HYDIN: variants seen among roughly 807,000 people sequenced by gnomAD.
The protein encoded by HYDIN is axonemal central pair apparatus protein HYDIN.
A neutral mutation model predicts 403.9 loss-of-function variants in HYDIN; 132 were observed. The observed-to-expected ratio is 0.33, with a 90% CI of 0.28 to 0.38. The LOEUF is 0.38. HYDIN is among the 10% of genes least tolerant of loss of function. The pLI is 1.00. For missense variants in HYDIN, 2,827 were observed against 5,009.5 expected (o/e 0.56, Z 13.15); for synonymous variants, 1,202 against 1,891.7 (o/e 0.64, Z 9.46).
Position 71,184,812 on chromosome 16 carries a change from T to C in HYDIN, c.261+53A>G, listed in dbSNP as rs970941562. On this transcript the variant is annotated intron_variant, in intron 3 of 85. Transcript: ENST00000393567. The stretch of plus-strand genomic sequence containing the variant: ...AAATTTTACTTATTGTTCTGGAATT[T>C]TGGTGTTGTGCCAGGGCCCACTTTA... The C allele has an allele frequency of 1.7e-5, 25 of 1,483,496 alleles. No homozygotes were observed. In the African/African-American group the frequency reaches 1.7e-4, roughly 10 times the overall value. 91.9% of individuals were successfully genotyped at this position (1,483,496 alleles called of 1,614,324 possible).
intron 6 of HYDIN, among the ~76,000 whole-genome samples, chr16:71,154,604 G>A (rs2085682478): frequency 9.1e-6 from 1 of 109,428 alleles, no homozygotes; most frequent in Admixed American, 1.0e-4. Flanking sequence ...CTCTATGTCC[G>A]TGAGTTCAAT....
At chr16:71,218,722 G>C (rs1230756581) in intron 1 of HYDIN, among the ~76,000 whole-genome samples, 1 of 152,076 alleles carries the variant, frequency 6.6e-6, no homozygotes, top group Non-Finnish European at 1.5e-5. Flanking sequence ...TTCTGGTAGA[G>C]CTAAAGGTAT....
intron 18 of HYDIN, among the ~76,000 whole-genome samples, chr16:71,033,130 C>CA (rs1400538166): frequency 6.6e-6 from 1 of 151,328 alleles, no homozygotes; most frequent in African/African-American, 2.4e-5. Flanking sequence ...TACATAAACA[C>CA]CCCGAGGAGC....
intron 4 of HYDIN, among the ~76,000 whole-genome samples, chr16:71,176,527 C>G (rs1439813144): frequency 6.6e-6 from 1 of 152,118 alleles, no homozygotes; most frequent in Non-Finnish European, 1.5e-5. Flanking sequence ...TCCCATGCTA[C>G]AGACACTTGT....
At chr16:70,884,926 C>T (rs1326571685) in intron 58 of HYDIN, among the ~76,000 whole-genome samples, 1 of 152,240 alleles carries the variant, frequency 6.6e-6, no homozygotes, top group Admixed American at 6.5e-5. Flanking sequence ...TCCACATTTC[C>T]TCTGGAGCAC....
At chr16:70,826,891 C>T (rs11859626) in intron 83 of HYDIN, among the ~76,000 whole-genome samples, 1,812 of 104,374 alleles carry the variant, frequency 0.017, 81 homozygotes, top group African/African-American at 0.078. Context: ...CCGACCTCTC[C>T]CATGAGCTAC....
At position 70,829,956 on chromosome 16, in the gene HYDIN, G is replaced by A. The variant is rs560185919; in HGVS notation, c.13900-126C>T. Reference sequence around the variant, plus strand: ...GTGCTTCCCATCATGAGTTTCAGTGGGTCCGTTTCTTTTTCTTTCATTCAC... The same window carrying A: ...GTGCTTCCCATCATGAGTTTCAGTGAGTCCGTTTCTTTTTCTTTCATTCAC... On this transcript the variant is annotated intron_variant, in intron 80 of 85. Coordinates refer to ENST00000393567, the MANE Select transcript of HYDIN (RefSeq NM_001270974.2). The A allele has an allele frequency of 8.1e-5, 64 of 787,744 alleles. No individual in the cohort carries two copies. In the African/African-American group the frequency reaches 9.6e-4, roughly 12 times the overall value. The allele number at this position is 787,744 out of a possible 1,614,324, so 48.8% of individuals were successfully genotyped here.
intron 18 of HYDIN, among the ~76,000 whole-genome samples, chr16:71,050,045 GGT>G (rs375649829): frequency 1.6e-4 from 22 of 138,558 alleles, no homozygotes; most frequent in South Asian, 6.7e-4. Flanking sequence ...TGTGTGTGTG[GGT>G]GTGTGTGTGT....
chr16:70,861,433 T>C (rs553149448), intron 69 of HYDIN, among the ~76,000 whole-genome samples: 7 of 152,310 alleles, frequency 4.6e-5, no homozygotes, highest in South Asian at 2.1e-4. Flanking sequence ...TGTAAGGTGA[T>C]TGTACTCCTT....
chr16:71,186,697 C>T, intron 2 of HYDIN, 64 bp downstream of exon 2: 1 of 1,296,770 alleles, frequency 7.7e-7, no homozygotes, highest in Non-Finnish European at 1.1e-6. Context: ...TGCCAAGTAG[C>T]AACTGTCATT....
intron 13 of HYDIN, among the ~76,000 whole-genome samples, chr16:71,070,189 A>G (rs1169217222): frequency 6.6e-6 from 1 of 152,106 alleles, no homozygotes; most frequent in African/African-American, 2.4e-5. Context: ...CTCTCTTAAG[A>G]GATGTGGACC....
At chr16:71,168,452 C>G (rs904274137) in intron 5 of HYDIN, among the ~76,000 whole-genome samples, 1 of 148,920 alleles carries the variant, frequency 6.7e-6, no homozygotes, top group Non-Finnish European at 1.5e-5. Flanking sequence ...CTGTATGCAT[C>G]AGGGATCAGT....
intron 23 of HYDIN, among the ~76,000 whole-genome samples, chr16:70,995,246 C>A (rs1217273192): frequency 2.6e-5 from 4 of 152,160 alleles, no homozygotes; most frequent in Non-Finnish European, 5.9e-5. Context: ...CCCTCAGGAA[C>A]AGGTGATTAC....
chr16:70,836,433 A>C (rs1481285111), intron 77 of HYDIN, among the ~76,000 whole-genome samples: 1 of 152,226 alleles, frequency 6.6e-6, no homozygotes. Flanking sequence ...TTTGTGAGAG[A>C]GCTCTGGCTT....
At chr16:71,223,642 AC>A (rs1485369992) in intron 1 of HYDIN, among the ~76,000 whole-genome samples, 24 of 148,666 alleles carry the variant, frequency 1.6e-4, no homozygotes, top group Middle Eastern at 3.5e-3. Flanking sequence ...AAAAAAAAAA[AC>A]AAATAATCCC....
chr16:71,026,180 G>A (rs1269464726), intron 20 of HYDIN, among the ~76,000 whole-genome samples: 59 of 152,392 alleles, frequency 3.9e-4, no homozygotes, highest in Admixed American at 3.5e-3. Flanking sequence ...GATTACAGGC[G>A]TGAGCCACCG....
At chr16:70,967,181 A>T (rs2078603616) in intron 36 of HYDIN, among the ~76,000 whole-genome samples, 1 of 152,160 alleles carries the variant, frequency 6.6e-6, no homozygotes, top group Admixed American at 6.5e-5. Context: ...GGAGCATGAG[A>T]TGTGGATTTG....
intron 11 of HYDIN, among the ~76,000 whole-genome samples, chr16:71,092,321 C>T (rs1004752444): frequency 6.6e-6 from 1 of 152,152 alleles, no homozygotes; most frequent in African/African-American, 2.4e-5. Flanking sequence ...GTAGGGGTGG[C>T]CAAGCATGAG....
chr16:70,997,054 C>T (rs532523231), intron 23 of HYDIN, among the ~76,000 whole-genome samples: 3 of 151,688 alleles, frequency 2.0e-5, no homozygotes, highest in Non-Finnish European at 4.4e-5. Context: ...AGTGACAGAT[C>T]ATCAGGCATT....
Sources: allele counts gnomAD v4.1 joint callset (sites outside exome capture counted in the v4.1 genomes callset), GRCh38; gene constraint gnomAD v4.1.1; transcripts MANE v1.5; gene names NCBI Gene and HGNC (gene_info 2026-07-23, HGNC 2026-07-21).